RBMS3: variants seen among roughly 807,000 people sequenced by gnomAD.
RBMS3 encodes the protein RNA binding motif single stranded interacting protein 3.
Under a neutral mutation model 66.8 loss-of-function variants are expected in RBMS3, and 27 were observed. That is an observed-to-expected ratio of 0.40 (90% CI 0.30 to 0.56). The LOEUF (loss-of-function observed/expected upper bound fraction) is 0.56, where lower values mean the gene tolerates loss of function less well. Ranked by LOEUF, RBMS3 falls within the 20% of genes least tolerant of loss-of-function variation. The pLI, the probability that RBMS3 is intolerant of heterozygous loss-of-function variation, is 0.40. For synonymous variants in RBMS3, 188 were observed against 183.0 expected, an observed-to-expected ratio of 1.03 and a Z score of -0.22; for missense variants, 513 against 549.5, an observed-to-expected ratio of 0.93 and a Z score of 0.66.
At chr3:29,405,714 C>CT (rs1336631872) in intron 1 of RBMS3, among the ~76,000 whole-genome samples, 1 of 152,110 alleles carries the variant, frequency 6.6e-6, no homozygotes, top group Non-Finnish European at 1.5e-5. Flanking sequence ...CATTTCTCAC[C>CT]TAAAACATGG....
chr3:29,587,494 G>A (rs1263910172), intron 4 of RBMS3, among the ~76,000 whole-genome samples: 1 of 151,440 alleles, frequency 6.6e-6, no homozygotes, highest in Non-Finnish European at 1.5e-5. Flanking sequence ...TTTTGTTATG[G>A]TAACCTCATT....
chr3:29,675,658 C>G (rs1250409204), intron 4 of RBMS3, among the ~76,000 whole-genome samples: 4 of 152,158 alleles, frequency 2.6e-5, no homozygotes, highest in Non-Finnish European at 5.9e-5. Context: ...ATTTATGCAG[C>G]CAACAGACAC....
chr3:29,667,570 C>T (rs2050817987), intron 4 of RBMS3, among the ~76,000 whole-genome samples: 1 of 152,132 alleles, frequency 6.6e-6, no homozygotes, highest in Admixed American at 6.5e-5. Context: ...GTATAAGATA[C>T]TATGTCTTAT....
chr3:29,538,333 C>T (rs1365820628), intron 3 of RBMS3, among the ~76,000 whole-genome samples: 1 of 152,112 alleles, frequency 6.6e-6, no homozygotes, highest in African/African-American at 2.4e-5. Context: ...ATATACTTTA[C>T]AATGAATATG....
At chr3:29,586,304 C>G (rs553084905) in intron 3 of RBMS3, among the ~76,000 whole-genome samples, 1 of 152,084 alleles carries the variant, frequency 6.6e-6, no homozygotes, top group African/African-American at 2.4e-5. Context: ...ATGGACTTTT[C>G]ATTGATGCCG....
chr3:29,299,769 C>A (rs868741986), intron 1 of RBMS3, among the ~76,000 whole-genome samples: 66 of 151,844 alleles, frequency 4.3e-4, no homozygotes, highest in African/African-American at 1.5e-3. Flanking sequence ...GGAATCAAAG[C>A]ATCTGCAAAT....
At chr3:29,933,191 T>C (rs1018315306) in intron 10 of RBMS3, among the ~76,000 whole-genome samples, 3 of 152,188 alleles carry the variant, frequency 2.0e-5, no homozygotes, top group African/African-American at 7.2e-5. Context: ...ACAAACACTC[T>C]TCAGCCTATG....
chr3:29,531,888 C>A (rs955514207), intron 3 of RBMS3, among the ~76,000 whole-genome samples: 2 of 152,090 alleles, frequency 1.3e-5, no homozygotes, highest in Admixed American at 1.3e-4. Context: ...TCTTTTGTCA[C>A]GTAGCAATTC....
chr3:29,616,717 T>C (rs2048687282), intron 4 of RBMS3: 1 of 152,200 alleles, frequency 6.6e-6, no homozygotes, highest in Non-Finnish European at 1.5e-5. Flanking sequence ...CCTGCTATTA[T>C]TCCCTAGGGA....
At chr3:29,884,961 G>A (rs1313683833) in intron 8 of RBMS3, among the ~76,000 whole-genome samples, 5 of 151,806 alleles carry the variant, frequency 3.3e-5, no homozygotes, top group Non-Finnish European at 7.4e-5. Context: ...CATTATAAAA[G>A]CCTCATTGAA....
At chr3:29,724,008 T>TA (rs146519996) in intron 4 of RBMS3, among the ~76,000 whole-genome samples, 1,875 of 144,702 alleles carry the variant, frequency 0.013, 14 homozygotes, top group Middle Eastern at 0.042. Flanking sequence ...AATTGCTCCT[T>TA]AAAAAAAAAA....
At chr3:29,521,567 A>T (rs2044858321) in intron 3 of RBMS3, among the ~76,000 whole-genome samples, 1 of 152,216 alleles carries the variant, frequency 6.6e-6, no homozygotes, top group Non-Finnish European at 1.5e-5. Flanking sequence ...CTGAACTGGC[A>T]TACCAGAAAA....
chr3:29,940,962 G>A (rs1239813806), intron 11 of RBMS3, among the ~76,000 whole-genome samples: 1 of 151,826 alleles, frequency 6.6e-6, no homozygotes, highest in Non-Finnish European at 1.5e-5. Flanking sequence ...ATTTTACTGT[G>A]TTATGAGAAC....
At chr3:29,650,913 A>T (rs2050122013) in intron 4 of RBMS3, among the ~76,000 whole-genome samples, 1 of 152,194 alleles carries the variant, frequency 6.6e-6, no homozygotes, top group Non-Finnish European at 1.5e-5. Flanking sequence ...GTGTTTAGGA[A>T]TGCTGGTTTA....
intron 2 of RBMS3, among the ~76,000 whole-genome samples, chr3:29,480,111 A>G (rs764843682): frequency 2.6e-5 from 4 of 152,226 alleles, no homozygotes; most frequent in Non-Finnish European, 5.9e-5. Context: ...AGGACTGAGG[A>G]TTGAGGGCGA....
intron 1 of RBMS3, among the ~76,000 whole-genome samples, chr3:29,344,738 C>T (rs964233743): frequency 6.6e-6 from 1 of 151,974 alleles, no homozygotes; most frequent in Non-Finnish European, 1.5e-5. Context: ...CTGGGAGTAG[C>T]TTAAGCTTAT....
intron 4 of RBMS3, among the ~76,000 whole-genome samples, chr3:29,680,145 G>A (rs760297658): frequency 2.6e-5 from 4 of 152,074 alleles, no homozygotes; most frequent in Non-Finnish European, 4.4e-5. Flanking sequence ...CCCCAGTGTC[G>A]ATTTGACAGA....
chr3:29,476,970 A>C (rs572563088), intron 2 of RBMS3, among the ~76,000 whole-genome samples: 1 of 152,290 alleles, frequency 6.6e-6, no homozygotes, highest in African/African-American at 2.4e-5. Context: ...GAAATACATC[A>C]TTGAGTTATT....
At chr3:29,845,317 A>G (rs1015104009) in intron 6 of RBMS3, among the ~76,000 whole-genome samples, 1 of 152,200 alleles carries the variant, frequency 6.6e-6, no homozygotes, top group African/African-American at 2.4e-5. Context: ...AAACTTTCTG[A>G]ATCTCCATTG....
Sources: allele counts gnomAD v4.1 joint callset (sites outside exome capture counted in the v4.1 genomes callset), GRCh38; gene constraint gnomAD v4.1.1; transcripts MANE v1.5; gene names NCBI Gene and HGNC (gene_info 2026-07-23, HGNC 2026-07-21).